Variants in RBFOX3 observed in about 807,000 individuals in gnomAD.
The protein encoded by RBFOX3 is RNA binding fox-1 homolog 3.
Under a neutral mutation model 48.7 loss-of-function variants are expected in RBFOX3, and 17 were observed. The observed-to-expected ratio is 0.35, with a 90% CI of 0.24 to 0.52. The LOEUF is 0.52. RBFOX3 is among the 20% of genes least tolerant of loss of function. The pLI, the probability that RBFOX3 is intolerant of heterozygous loss-of-function variation, is 0.94. For missense variants in RBFOX3, 382 were observed against 497.5 expected (o/e 0.77, Z 2.21); for synonymous variants, 212 against 209.5 (o/e 1.01, Z -0.10).
chr17:79,342,104 C>T (rs2082197679), intron 2 of RBFOX3, among the ~76,000 whole-genome samples: 2 of 152,238 alleles, frequency 1.3e-5, no homozygotes, highest in African/African-American at 2.4e-5. Flanking sequence ...GCTTCCCTCA[C>T]CTCGTGGTGC....
At chr17:79,568,111 G>A (rs949817469) in intron 1 of RBFOX3, among the ~76,000 whole-genome samples, 189 of 152,108 alleles carry the variant, frequency 1.2e-3, no homozygotes, top group African/African-American at 4.0e-3. Flanking sequence ...GAAGGAGTGC[G>A]GGCTCACCTT....
At position 79,095,542 on chromosome 17, in the gene RBFOX3, G is replaced by A. The variant is rs570994105; in HGVS notation, c.969C>T (p.Pro323=). The A allele has an allele frequency of 1.0e-4, 159 of 1,551,416 alleles. No individual in the cohort carries two copies. The East Asian group carries it at 2.7e-3, about 27-fold the overall frequency. ...CGCTGTAGGCTGCCGCCGCTGCAGC[G>A]GGCTGAGCGTATCTGTAGGCTGCGT... is the stretch of plus-strand genomic sequence containing the variant. ...GGYAAYRYAQ[P]AAAAAAYSDS... is the part of the protein sequence containing the mutation. The change falls in exon 13 of 15, where the codon CCC becomes CCT. Residue 323 remains proline (P), a synonymous_variant. Transcript: ENST00000693108.
chr17:79,464,150 G>A (rs1265251417), intron 2 of RBFOX3, among the ~76,000 whole-genome samples: 1 of 152,260 alleles, frequency 6.6e-6, no homozygotes, highest in Non-Finnish European at 1.5e-5. Flanking sequence ...AGACGCAGGA[G>A]TGCACCAGCT....
chr17:79,495,615 GT>G (rs1206277466), intron 1 of RBFOX3, among the ~76,000 whole-genome samples: 6 of 101,824 alleles, frequency 5.9e-5, no homozygotes, highest in Admixed American at 9.7e-5. Flanking sequence ...GGGTGGGGAG[GT>G]GGGGGAAAGG....
chr17:79,631,133 C>T, the RBFOX3 span, among the ~76,000 whole-genome samples: 90 of 152,308 alleles, frequency 5.9e-4, no homozygotes, highest in African/African-American at 2.1e-3. Flanking sequence ...ACACAGGGTG[C>T]AGTCAACCCT....
chr17:79,268,573 G>A (rs1410033629), intron 3 of RBFOX3, among the ~76,000 whole-genome samples: 5 of 152,174 alleles, frequency 3.3e-5, no homozygotes, highest in African/African-American at 9.7e-5. Flanking sequence ...GGAAAAGGAA[G>A]CTGATCTTCT....
rs146254064 is a variant in RBFOX3, at chr17:79,205,071, G to A, written c.-34+30695C>T. ...GTTCCAGGTCTAAGGCAGTTCTCCAGTCAGAGCCCACTGGTGGAAGGAAGA... is the reference window on the plus strand; with the variant it reads ...GTTCCAGGTCTAAGGCAGTTCTCCAATCAGAGCCCACTGGTGGAAGGAAGA... On this transcript the variant is annotated intron_variant, in intron 4 of 14. Transcript: ENST00000693108. This position sits in a 1 kb window ranked among gnomAD's most constrained non-coding sequence, Gnocchi z 4.5. 3.4e-3 allele frequency among the ~76,000 whole-genome samples: 517 copies of A among 152,306 alleles called. 6 individuals are homozygous for A. The highest frequency in any genetic ancestry group is 0.012 in the African/African-American group (500 of 41,554).
intron 2 of RBFOX3, among the ~76,000 whole-genome samples, chr17:79,372,902 C>G (rs1327038557): frequency 6.6e-6 from 1 of 152,140 alleles, no homozygotes; most frequent in East Asian, 1.9e-4. Flanking sequence ...TGAAATGAGT[C>G]TATAACGCAG....
chr17:79,319,128 C>G (rs1415792734), intron 2 of RBFOX3, among the ~76,000 whole-genome samples: 3 of 152,092 alleles, frequency 2.0e-5, no homozygotes, highest in Non-Finnish European at 4.4e-5. Flanking sequence ...AGGCAGCCCA[C>G]TGGAAAAGCG....
intron 4 of RBFOX3, among the ~76,000 whole-genome samples, chr17:79,168,038 G>A (rs1031447109): frequency 6.6e-6 from 1 of 152,230 alleles, no homozygotes; most frequent in African/African-American, 2.4e-5. Context: ...GGTGAGGGGT[G>A]GGTAACTGGG....
chr17:79,343,510 C>T (rs896727755), intron 2 of RBFOX3, among the ~76,000 whole-genome samples: 1 of 151,990 alleles, frequency 6.6e-6, no homozygotes, highest in Admixed American at 6.6e-5. Flanking sequence ...GAGTGAGACT[C>T]GGTCTCAAAA....
chr17:79,184,335 C>A (rs2052950816), intron 4 of RBFOX3, among the ~76,000 whole-genome samples: 1 of 152,312 alleles, frequency 6.6e-6, no homozygotes, highest in East Asian at 1.9e-4. Context: ...ATCCTCCCCT[C>A]CCTGTACCCA....
At chr17:79,591,529 C>A (rs2093415901) in intron 1 of RBFOX3, among the ~76,000 whole-genome samples, 1 of 152,316 alleles carries the variant, frequency 6.6e-6, no homozygotes, top group African/African-American at 2.4e-5. Flanking sequence ...AGGCACAGCG[C>A]CAAAGGTCCC....
chr17:79,494,206 TGAGGC>T (rs2081108842), intron 1 of RBFOX3, among the ~76,000 whole-genome samples: 2 of 152,132 alleles, frequency 1.3e-5, no homozygotes, highest in African/African-American at 4.8e-5. Flanking sequence ...ATCAACAGGC[TGAGGC>T]TGTACAACTG....
At chr17:79,563,986 A>G (rs982385500) in intron 1 of RBFOX3, among the ~76,000 whole-genome samples, 77,917 of 152,086 alleles carry the variant, frequency 0.51, 21,507 homozygotes, top group South Asian at 0.66. Flanking sequence ...TACGTACCCT[A>G]TGCCAGGCTG....
the RBFOX3 span, among the ~76,000 whole-genome samples, chr17:79,620,654 T>C: frequency 4.0e-4 from 1 of 2,524 alleles, no homozygotes; most frequent in Non-Finnish European, 1.0e-3. Flanking sequence ...CACACGGACA[T>C]GCACACACGC....
intron 2 of RBFOX3, among the ~76,000 whole-genome samples, chr17:79,320,182 G>A (rs2078299651): frequency 6.6e-6 from 1 of 152,170 alleles, no homozygotes; most frequent in Non-Finnish European, 1.5e-5. Flanking sequence ...AGGCTGTGGT[G>A]GACTTGCTTC....
rs79030055 is a variant in RBFOX3 at position 79,245,322 on chromosome 17, G to A, written c.-73-9517C>T. The stretch of plus-strand genomic sequence containing the variant: ...GAGGGACCTAGAGGCCACATGCCAC[G>A]GTGGCCTCACACAATTGGACCCCGA... On this transcript the variant is annotated intron_variant, in intron 3 of 14. Transcript: ENST00000693108. Among the ~76,000 whole-genome samples the A allele has an allele frequency of 9.9e-3, 1,509 of 152,180 alleles. 24 individuals are homozygous for A. The highest frequency in any genetic ancestry group is 0.035 in the African/African-American group (1,433 of 41,500).
At chr17:79,532,828 C>CATGTGT (rs568297474) in intron 1 of RBFOX3, among the ~76,000 whole-genome samples, 1 of 151,838 alleles carries the variant, frequency 6.6e-6, no homozygotes, top group African/African-American at 2.4e-5. Flanking sequence ...CTATTGAACA[C>CATGTGT]GTGTGTGTGT....
Sources: gnomAD v4.1 joint callset for allele counts (sites outside exome capture counted in the v4.1 genomes callset) on GRCh38, gnomAD v4.1.1 for gene constraint, Gnocchi (gnomAD v3.1) non-coding constraint, MANE v1.5 for transcripts, NCBI Gene and HGNC (gene_info 2026-07-23, HGNC 2026-07-21) for gene names.